Variants in ZNF76 observed in about 807,000 individuals in gnomAD.
ZNF76 encodes the protein zinc finger protein 76.
ZNF76 carries 66 observed loss-of-function variants against 66.9 expected under a neutral mutation model. That is an observed-to-expected ratio of 0.99 (90% confidence interval 0.81 to 1.21). ZNF76 has a LOEUF of 1.21. ZNF76 is among the 50% of genes most tolerant of loss of function. ZNF76 has a pLI of 0.00. For synonymous variants in ZNF76, 275 were observed against 296.1 expected (o/e 0.93, Z 0.73); for missense variants, 729 against 760.3 (o/e 0.96, Z 0.48).
At chr6:35,275,520 A>G (rs1787761318) in intron 1 of ZNF76, among the ~76,000 whole-genome samples, 1 of 152,154 alleles carries the variant, frequency 6.6e-6, no homozygotes, top group Non-Finnish European at 1.5e-5. Context: ...ATTCAGAGTA[A>G]ACCATCATTG....
chr6:35,277,655 A>G (rs1165749578), intron 1 of ZNF76, among the ~76,000 whole-genome samples: 1 of 152,240 alleles, frequency 6.6e-6, no homozygotes, highest in Non-Finnish European at 1.5e-5. Context: ...GTTAGAACTA[A>G]ATGAGTTAAT....
intron 1 of ZNF76, among the ~76,000 whole-genome samples, chr6:35,262,532 C>G (rs574196819): frequency 6.6e-6 from 1 of 152,304 alleles, no homozygotes; most frequent in East Asian, 1.9e-4. Context: ...CTCACTGGCA[C>G]TTTACCCCAA....
At position 35,292,064 on chromosome 6, in the gene ZNF76, C is replaced by T; in HGVS notation, c.931+327C>T. ...AGGGTCAGGAATGATGGGGAAGAAG[C>T]AGAGTGAACTGTCACCTTCAACTCC... On this transcript the variant is annotated intron_variant, in intron 9 of 13. Coordinates refer to ENST00000373953, the MANE Select transcript of ZNF76 (RefSeq NM_003427.5). This position sits in a 1 kb window ranked among gnomAD's most constrained non-coding sequence, Gnocchi z 4.7. The T allele has an allele frequency of 8.6e-6, 4 of 467,342 alleles. No homozygotes were observed. In the South Asian group the frequency reaches 9.3e-5, roughly 11 times the overall value. The allele number at this position is 467,342 out of a possible 1,614,324, so 28.9% of individuals were successfully genotyped here. A position where few individuals can be genotyped will look rare whatever the true frequency, so the allele number is the denominator to read the frequency against.
intron 11 of ZNF76, among the ~76,000 whole-genome samples, 196 bp from the exon 12 acceptor site, chr6:35,293,555 G>A (rs1582203366): frequency 6.6e-6 from 1 of 152,290 alleles, no homozygotes; most frequent in Middle Eastern, 3.4e-3. Flanking sequence ...AATAGAAGTA[G>A]TCAGTGGAAT....
At position 35,287,836 on chromosome 6, in the gene ZNF76, T is replaced by TG; in HGVS notation, c.424dup (p.Ala142GlyfsTer7). On this transcript the variant is annotated frameshift_variant, in exon 5 of 14. Coordinates refer to ENST00000373953, the MANE Select transcript of ZNF76 (RefSeq NM_003427.5). LOFTEE classifies it high-confidence loss of function. The surrounding 1 kb of genome is among the most constrained non-coding windows in gnomAD (Gnocchi z 4.0). ...ACGCAGTGGTGGCCCTGGAGCAGTA[T>TG]GCCAGCAAGGTGAGCACGCACAGCG... 1 of 1,595,484 alleles carries TG rather than the reference T, an allele frequency of 6.3e-7. No homozygotes were observed. Among genetic ancestry groups the TG allele is most frequent in the Non-Finnish European group, 8.5e-7 (1 of 1,171,236 alleles).
chr6:35,280,637 T>C (rs924321583), intron 1 of ZNF76, among the ~76,000 whole-genome samples: 3 of 151,712 alleles, frequency 2.0e-5, no homozygotes, highest in Non-Finnish European at 2.9e-5. Flanking sequence ...TGAGGACTTA[T>C]TCCACGTGTG....
At chr6:35,281,672 C>G (rs1225457389) in intron 2 of ZNF76, among the ~76,000 whole-genome samples, 1 of 152,090 alleles carries the variant, frequency 6.6e-6, no homozygotes, top group African/African-American at 2.4e-5. Context: ...TGGCTCATGT[C>G]TATAATCCCA....
intron 1 of ZNF76, among the ~76,000 whole-genome samples, chr6:35,261,780 G>C (rs1785289166): frequency 6.6e-6 from 1 of 152,126 alleles, no homozygotes; most frequent in Non-Finnish European, 1.5e-5. Context: ...CTCTCAAGTA[G>C]TTGAGATTAT....
At chr6:35,294,169 C>G in intron 12 of ZNF76, 1 of 587,584 alleles carries the variant, frequency 1.7e-6, no homozygotes, top group Non-Finnish European at 3.0e-6. Context: ...AATCACTTTT[C>G]CATGGACTTC....
chr6:35,293,970 G>T (rs979793482), intron 12 of ZNF76, 55 bp downstream of exon 12: 2 of 1,596,068 alleles, frequency 1.3e-6, no homozygotes, highest in Non-Finnish European at 1.7e-6. Flanking sequence ...TTTCCATGGG[G>T]CGGGCATTAA....
intron 1 of ZNF76, among the ~76,000 whole-genome samples, chr6:35,274,974 G>A (rs1443755349): frequency 6.6e-6 from 1 of 151,996 alleles, no homozygotes; most frequent in Non-Finnish European, 1.5e-5. Flanking sequence ...CCAACATGGT[G>A]AAACCCCGTC....
chr6:35,283,129 G>T (rs909582173), intron 2 of ZNF76, among the ~76,000 whole-genome samples: 1 of 151,656 alleles, frequency 6.6e-6, no homozygotes, highest in Non-Finnish European at 1.5e-5. Flanking sequence ...AAAAGCAAGT[G>T]ACCACACCTG....
intron 1 of ZNF76, among the ~76,000 whole-genome samples, chr6:35,272,614 A>G (rs973366576): frequency 2.0e-5 from 3 of 152,204 alleles, no homozygotes; most frequent in Non-Finnish European, 4.4e-5. Context: ...TTATGCCAGC[A>G]TGAATTAGAA....
chr6:35,291,779 C>G, intron 9 of ZNF76, 42 bp downstream of exon 9: 1 of 1,595,526 alleles, frequency 6.3e-7, no homozygotes, highest in Non-Finnish European at 8.5e-7. Flanking sequence ...ACTCAGGCCC[C>G]AACCCCTCTA....
chr6:35,286,981 G>C (rs935447480), intron 4 of ZNF76, among the ~76,000 whole-genome samples: 1 of 152,160 alleles, frequency 6.6e-6, no homozygotes, highest in East Asian at 1.9e-4. Flanking sequence ...AGTGATGCTT[G>C]AGCTGAGAGG....
At chr6:35,278,018 G>A (rs1417507040) in intron 1 of ZNF76, among the ~76,000 whole-genome samples, 1 of 151,950 alleles carries the variant, frequency 6.6e-6, no homozygotes, top group Non-Finnish European at 1.5e-5. Context: ...CTCCACGCCC[G>A]GCTAATTTTT....
intron 1 of ZNF76, among the ~76,000 whole-genome samples, chr6:35,260,950 C>T (rs1785160481): frequency 6.6e-6 from 1 of 152,172 alleles, no homozygotes; most frequent in Non-Finnish European, 1.5e-5. Flanking sequence ...AGTGCATACC[C>T]ATTTCCCTTG....
In ZNF76 at chr6:35,276,862, T is replaced by G. The variant is rs949741994; in HGVS notation, c.-96-4194T>G. 2.0e-5 allele frequency among the ~76,000 whole-genome samples: 3 copies of G among 147,896 alleles called. No individual in the cohort carries two copies. The East Asian group carries it at 6.0e-4, about 29-fold the overall frequency. On this transcript the variant is annotated intron_variant, in intron 1 of 13. Coordinates refer to ENST00000373953, the MANE Select transcript of ZNF76 (RefSeq NM_003427.5). ...CCCAGGCTAGAGTGCAGTGATGCAA[T>G]TTTGGCTCACTGCAACCTCCGCCTC...
intron 2 of ZNF76, among the ~76,000 whole-genome samples, chr6:35,282,354 A>G (rs1162352534): frequency 6.6e-6 from 1 of 150,796 alleles, no homozygotes; most frequent in Non-Finnish European, 1.5e-5. Flanking sequence ...AAATAATAAT[A>G]CCAAGTTCTA....
Sources: gnomAD v4.1 joint callset for allele counts (sites outside exome capture counted in the v4.1 genomes callset) on GRCh38, gnomAD v4.1.1 for gene constraint, Gnocchi (gnomAD v3.1) non-coding constraint, MANE v1.5 for transcripts, NCBI Gene and HGNC (gene_info 2026-07-23, HGNC 2026-07-21) for gene names.